The following ZNF536 variants were observed in gnomAD, a reference collection of about 807,000 sequenced individuals.
ZNF536 encodes zinc finger protein 536.
Under a neutral mutation model 84.5 loss-of-function variants are expected in ZNF536, and 13 were observed. That is an observed-to-expected ratio of 0.15 (90% CI 0.10 to 0.24). The LOEUF (loss-of-function observed/expected upper bound fraction) is 0.24. Ranked by LOEUF, ZNF536 falls within the 10% of genes least tolerant of loss-of-function variation. The pLI, the probability that ZNF536 is intolerant of heterozygous loss-of-function variation, is 1.00. For synonymous variants in ZNF536, 811 were observed against 742.5 expected (o/e 1.09, Z -1.50); for missense variants, 1,536 against 1,747.5 (o/e 0.88, Z 2.16).
intron 2 of ZNF536, among the ~76,000 whole-genome samples, chr19:30,337,277 A>G (rs533015046): frequency 2.0e-5 from 3 of 152,220 alleles, no homozygotes; most frequent in Admixed American, 2.0e-4. Context: ...TGCTGAGCAG[A>G]TGGCTGGCGT....
At chr19:30,559,055 C>T (rs1435984586), downstream of ZNF536, among the ~76,000 whole-genome samples, 1 of 152,234 alleles carries the variant, frequency 6.6e-6, no homozygotes, top group Non-Finnish European at 1.5e-5. Context: ...GTGACTCTGA[C>T]TCCAAAGACC....
chr19:30,590,733 C>G (rs11882568), intron 1 of ZNF536, among the ~76,000 whole-genome samples: 65 of 152,266 alleles, frequency 4.3e-4, no homozygotes, highest in African/African-American at 1.5e-3. Flanking sequence ...GTCTCTGGGG[C>G]CAGTTCCTCC....
intron 1 of ZNF536, among the ~76,000 whole-genome samples, chr19:30,409,034 C>T (rs2050379011): frequency 6.7e-6 from 1 of 149,478 alleles, no homozygotes; most frequent in Non-Finnish European, 1.5e-5. Flanking sequence ...ATCCATCCAT[C>T]CACTCATTCA....
At position 30,289,610 on chromosome 19, in the gene ZNF536, CT is replaced by C. The variant is rs1388907848; in HGVS notation, c.-120+5470del. On this transcript the variant is annotated intron_variant, in intron 2 of 5. Coordinates refer to the ZNF536 transcript ENST00000585628. ...CCCAGGGGTGCTTCTCTCTTTATTT[CT>C]GTGTCTATGCCTGGATGATTATTGG... is the stretch of plus-strand genomic sequence containing the variant. Among the ~76,000 whole-genome samples, 3 of 152,226 alleles carry C rather than the reference CT, an allele frequency of 2.0e-5. No individual in the cohort carries two copies. In the East Asian group the frequency reaches 5.8e-4, roughly 29 times the overall value.
At chr19:30,595,625 C>T (rs548940355) in intron 1 of ZNF536, among the ~76,000 whole-genome samples, 64 of 152,296 alleles carry the variant, frequency 4.2e-4, no homozygotes, top group African/African-American at 1.4e-3. Flanking sequence ...ATTTGTACCT[C>T]GAACTGCTCT....
At chr19:30,484,785 A>G (rs2054235200) in intron 2 of ZNF536, among the ~76,000 whole-genome samples, 2 of 151,860 alleles carry the variant, frequency 1.3e-5, no homozygotes, top group South Asian at 4.2e-4. Context: ...TGGGGGGACA[A>G]CATCTCTTCT....
intron 2 of ZNF536, among the ~76,000 whole-genome samples, chr19:30,477,033 T>G (rs1289330195): frequency 1.3e-5 from 2 of 152,078 alleles, no homozygotes; most frequent in Non-Finnish European, 2.9e-5. Context: ...AAATGATCCT[T>G]CTGCCTTGGC....
intron 2 of ZNF536, among the ~76,000 whole-genome samples, chr19:30,314,615 C>T (rs2046618798): frequency 6.6e-6 from 1 of 152,148 alleles, no homozygotes; most frequent in Non-Finnish European, 1.5e-5. Context: ...TCAGGGTTAT[C>T]TTTGCACTTT....
chr19:30,415,046 C>G (rs985171910), intron 1 of ZNF536, among the ~76,000 whole-genome samples: 3 of 151,600 alleles, frequency 2.0e-5, no homozygotes, highest in Non-Finnish European at 4.4e-5. Context: ...TCCTCCTCCT[C>G]CTTCTTCTTC....
At chr19:30,634,414 C>T (rs983948406) in intron 1 of ZNF536, among the ~76,000 whole-genome samples, 2 of 152,110 alleles carry the variant, frequency 1.3e-5, no homozygotes, top group Non-Finnish European at 1.5e-5. Context: ...AAGAACTTGA[C>T]AAGCTTAAGA....
intron 1 of ZNF536, among the ~76,000 whole-genome samples, chr19:30,390,088 G>T (rs1413737687): frequency 6.6e-6 from 1 of 152,164 alleles, no homozygotes; most frequent in Non-Finnish European, 1.5e-5. Context: ...ATTGAGGCAG[G>T]TGCTGTGCAG....
intron 2 of ZNF536, among the ~76,000 whole-genome samples, chr19:30,284,976 A>G (rs1469580495): frequency 2.6e-5 from 4 of 152,308 alleles, no homozygotes. Context: ...CACAACAGTT[A>G]TATTAGAAAT....
At chr19:30,382,962 T>G (rs2049079811) in intron 1 of ZNF536, among the ~76,000 whole-genome samples, 1 of 152,172 alleles carries the variant, frequency 6.6e-6, no homozygotes, top group African/African-American at 2.4e-5. Context: ...TCTTGCACAA[T>G]TAAAATCAAA....
At chr19:30,553,697 G>T (rs1433241998) in intron 4 of ZNF536, among the ~76,000 whole-genome samples, 2 of 152,236 alleles carry the variant, frequency 1.3e-5, no homozygotes, top group African/African-American at 4.8e-5. Flanking sequence ...AGGCACTGCG[G>T]CTCACACCTG....
At chr19:30,468,726 T>C (rs1346444094) in intron 2 of ZNF536, among the ~76,000 whole-genome samples, 18 of 151,916 alleles carry the variant, frequency 1.2e-4, no homozygotes, top group Admixed American at 1.2e-3. Context: ...GCAGCAAATG[T>C]CGTGAGTGCA....
At chr19:30,506,733 C>T (rs2055189372) in intron 2 of ZNF536, among the ~76,000 whole-genome samples, 1 of 152,126 alleles carries the variant, frequency 6.6e-6, no homozygotes, top group Non-Finnish European at 1.5e-5. Context: ...TCGAGTAATC[C>T]ACAACTAGGT....
At chr19:30,259,989 T>C (rs2025123193) in intron 1 of ZNF536, among the ~76,000 whole-genome samples, 1 of 150,844 alleles carries the variant, frequency 6.6e-6, no homozygotes, top group Admixed American at 6.6e-5. Context: ...GGTCTTGAAC[T>C]CCTGACCTCA....
chr19:30,334,108 C>A (rs1163419688), intron 2 of ZNF536, among the ~76,000 whole-genome samples: 1 of 152,182 alleles, frequency 6.6e-6, no homozygotes, highest in East Asian at 1.9e-4. Context: ...AAAATGAAAG[C>A]TCCCATCACT....
chr19:30,629,878 G>A (rs2048827768), intron 1 of ZNF536, among the ~76,000 whole-genome samples: 1 of 152,246 alleles, frequency 6.6e-6, no homozygotes, highest in African/African-American at 2.4e-5. Context: ...CAGTGACACA[G>A]GCACAGTGGT....
Sources: allele counts gnomAD v4.1 joint callset (sites outside exome capture counted in the v4.1 genomes callset), GRCh38; gene constraint gnomAD v4.1.1; transcripts MANE v1.5; gene names NCBI Gene and HGNC (gene_info 2026-07-23, HGNC 2026-07-21).